Variants in PRKD2 observed in about 807,000 individuals in gnomAD.
PRKD2 encodes serine/threonine-protein kinase D2.
PRKD2 carries 22 observed loss-of-function variants against 86.0 expected under a neutral mutation model. That is an observed-to-expected ratio of 0.26 (90% confidence interval 0.18 to 0.37). The LOEUF is 0.37. Among genes scored for constraint, PRKD2 ranks in the 10% least tolerant of loss-of-function variants. The pLI is 1.00. For synonymous variants in PRKD2, 509 were observed against 510.9 expected, an observed-to-expected ratio of 1.00 and a Z score of 0.05; for missense variants, 818 against 1,199.2, an observed-to-expected ratio of 0.68 and a Z score of 4.70.
intron 3 of PRKD2, among the ~76,000 whole-genome samples, chr19:46,705,188 A>G (rs1399610948): frequency 6.6e-6 from 1 of 152,022 alleles, no homozygotes; most frequent in Non-Finnish European, 1.5e-5. Flanking sequence ...GGATGCCTCA[A>G]AAGTCCCCGC....
chr19:46,695,441 C>T (rs951774609), intron 9 of PRKD2, among the ~76,000 whole-genome samples: 1 of 152,216 alleles, frequency 6.6e-6, no homozygotes, highest in African/African-American at 2.4e-5. Context: ...CAAGATCGCG[C>T]CACTGCACTC....
At chr19:46,681,442 T>G (rs2053305635) in intron 15 of PRKD2, among the ~76,000 whole-genome samples, 1 of 151,674 alleles carries the variant, frequency 6.6e-6, no homozygotes, top group African/African-American at 2.4e-5. Context: ...ATTTTTTGTA[T>G]AGATGAGGTC....
intron 2 of PRKD2, among the ~76,000 whole-genome samples, chr19:46,711,308 A>C (rs973722442): frequency 2.4e-4 from 37 of 152,202 alleles, no homozygotes; most frequent in Admixed American, 1.2e-3. Flanking sequence ...GCAAGATGAC[A>C]ACAGTTCTGG....
chr19:46,700,998 C>G, intron 6 of PRKD2, 37 bp downstream of exon 6: 1 of 1,614,226 alleles, frequency 6.2e-7, no homozygotes, highest in East Asian at 2.2e-5. Context: ...AGTCCTGCCC[C>G]TTCCCCTTTC....
In PRKD2 at chr19:46,704,361, G is replaced by A. The variant is rs780694769; in HGVS notation, c.697C>T (p.Arg233Cys). The change falls in exon 5 of 18, where the codon CGT (arginine) becomes TGT (cysteine). Residue 233 changes from arginine to cysteine, a missense_variant. Arg to Cys is a radical substitution (Grantham distance 180). Around this residue, in one of 5 missense-constraint regions of PRKD2, gnomAD observed 403 missense variants for 518.6 expected, o/e 0.78. Coordinates refer to ENST00000291281, the MANE Select transcript of PRKD2 (RefSeq NM_016457.5). Reference protein sequence around the residue: ...SRSTTELLPRRPPSSSSSSSA... With the variant: ...SRSTTELLPRCPPSSSSSSSA... Reference sequence around the variant, plus strand: ...GAGGAGGAAGAGGATGACGGGGGACGGCGAGGCAGGAGTTCGGTGGTGCTA... The same window carrying A: ...GAGGAGGAAGAGGATGACGGGGGACAGCGAGGCAGGAGTTCGGTGGTGCTA... The A allele has an allele frequency of 1.9e-6, 3 of 1,614,082 alleles. No homozygotes were observed. The highest frequency in any genetic ancestry group is 1.7e-5 in the Admixed American group (1 of 60,020).
chr19:46,686,658 A>AT (rs1374064200), intron 14 of PRKD2, among the ~76,000 whole-genome samples: 15 of 151,694 alleles, frequency 9.9e-5, no homozygotes, highest in Admixed American at 7.9e-4. Flanking sequence ...TCTCAAAAAA[A>AT]AAAATAAAAT....
At position 46,704,643 on chromosome 19, in the gene PRKD2, C is replaced by T; in HGVS notation, c.518G>A (p.Gly173Glu). Residue 173 changes from glycine to glutamate, a missense_variant, in exon 4 of 18, where the codon GGG becomes GAG. Around this residue, in one of 5 missense-constraint regions of PRKD2, gnomAD observed 403 missense variants for 518.6 expected, o/e 0.78. Transcript: ENST00000291281. ...VRQGLKCDGCGLNYHKRCAFS... is the reference protein window; with the variant it reads ...VRQGLKCDGCELNYHKRCAFS... ...GGCACAGCGCTTGTGGTAGTTCAGC[C>T]CGCAGCCTGCAGGGGGCGCCAGAGA... 4 of 1,604,320 alleles carry T rather than the reference C, an allele frequency of 2.5e-6. No individual in the cohort carries two copies. The highest frequency in any genetic ancestry group is 3.4e-6 in the Non-Finnish European group (4 of 1,174,340).
At chr19:46,699,366 C>G (rs1391656016) in intron 7 of PRKD2, among the ~76,000 whole-genome samples, 2 of 152,216 alleles carry the variant, frequency 1.3e-5, no homozygotes, top group East Asian at 1.9e-4. Context: ...TTAGCTGTCT[C>G]CCCACTGAGG....
At chr19:46,694,822 C>T (rs374594118) in intron 9 of PRKD2, among the ~76,000 whole-genome samples, 1 of 150,262 alleles carries the variant, frequency 6.7e-6, no homozygotes, top group South Asian at 2.1e-4. Flanking sequence ...CGTGCCTGTA[C>T]TCCCAGCACT....
At chr19:46,712,150 G>A (rs538516901) in intron 2 of PRKD2, among the ~76,000 whole-genome samples, 5 of 151,690 alleles carry the variant, frequency 3.3e-5, no homozygotes, top group African/African-American at 9.7e-5. Context: ...AGGCTGAGGC[G>A]GGATGATTGC....
chr19:46,696,529 G>A (rs1331526471), intron 9 of PRKD2, among the ~76,000 whole-genome samples: 2 of 152,096 alleles, frequency 1.3e-5, no homozygotes, highest in Non-Finnish European at 2.9e-5. Context: ...GGAGGCCGAG[G>A]GGGGCAGATC....
intron 9 of PRKD2, 30 bp from the exon 10 acceptor site, chr19:46,694,163 G>C (rs780107676): frequency 1.2e-6 from 2 of 1,606,132 alleles, no homozygotes; most frequent in African/African-American, 2.7e-5. Context: ...CACAGGTGAG[G>C]ATGCCAGGCA....
At chr19:46,677,905 G>A (rs528610731) in intron 16 of PRKD2, among the ~76,000 whole-genome samples, 41 of 152,222 alleles carry the variant, frequency 2.7e-4, no homozygotes, top group African/African-American at 9.1e-4. Context: ...CCCAAGTCAC[G>A]GCCCCAGTAC....
chr19:46,692,314 A>G (rs1194625150), intron 10 of PRKD2, among the ~76,000 whole-genome samples: 2 of 152,096 alleles, frequency 1.3e-5, no homozygotes, highest in Non-Finnish European at 2.9e-5. Flanking sequence ...ACCCCATTGT[A>G]CAGAGAAGGA....
At chr19:46,697,560 A>G (rs903940136) in intron 8 of PRKD2, among the ~76,000 whole-genome samples, 173 bp downstream of exon 8, 1 of 140,934 alleles carries the variant, frequency 7.1e-6, no homozygotes, top group Non-Finnish European at 1.5e-5. Flanking sequence ...CCGTAGTCCC[A>G]CCCTTACAGC....
At chr19:46,701,653 TTGTGTG>T (rs111858403) in intron 5 of PRKD2, among the ~76,000 whole-genome samples, 14 of 147,774 alleles carry the variant, frequency 9.5e-5, no homozygotes, top group Admixed American at 2.7e-4. Flanking sequence ...CGCGCCCGAC[TTGTGTG>T]TGTGTGTGTG....
At chr19:46,677,744 C>T (rs2053230800) in intron 16 of PRKD2, among the ~76,000 whole-genome samples, 1 of 152,058 alleles carries the variant, frequency 6.6e-6, no homozygotes, top group African/African-American at 2.4e-5. Flanking sequence ...TCAGTCCTGG[C>T]TCCCTTCTCC....
chr19:46,715,675 G>T lies in PRKD2; in HGVS notation c.240+456C>A, dbSNP rs114927876. 6.3e-3 allele frequency among the ~76,000 whole-genome samples: 952 copies of T among 152,164 alleles called. 6 individuals are homozygous for T. Among genetic ancestry groups the T allele is most frequent in the African/African-American group, 0.021 (874 of 41,456 alleles). ...TTAGGGGAGGGCAGAATTGGGCTCC[G>T]AGACCTCACTTGCCCCTGGCAGCTA... On this transcript the variant is annotated intron_variant, in intron 1 of 17. Transcript: ENST00000291281.
At chr19:46,706,410 CG>C (rs1568734269) in intron 3 of PRKD2, among the ~76,000 whole-genome samples, 1 of 152,146 alleles carries the variant, frequency 6.6e-6, no homozygotes, top group Non-Finnish European at 1.5e-5. Context: ...GCTGTAATCA[CG>C]GAGGCAAGCT....
Sources: allele counts gnomAD v4.1 joint callset (sites outside exome capture counted in the v4.1 genomes callset), GRCh38; gene constraint gnomAD v4.1.1; regional missense constraint gnomAD v4.1.1; transcripts MANE v1.5; gene names NCBI Gene and HGNC (gene_info 2026-07-23, HGNC 2026-07-21).